Variants in PRIM2 observed in about 807,000 individuals in gnomAD.
The protein encoded by PRIM2 is DNA primase large subunit.
In PRIM2, 39 loss-of-function variants were observed where a neutral mutation model predicts 67.3. The observed-to-expected ratio is 0.58, with a 90% CI of 0.45 to 0.76. The LOEUF is 0.76. Among genes scored for constraint, PRIM2 ranks in the 30% least tolerant of loss-of-function variants. The probability of loss-of-function intolerance (pLI) is 0.00; values close to 1 mark genes in which losing one functional copy is unlikely to be tolerated. For synonymous variants in PRIM2, 143 were observed against 198.7 expected (o/e 0.72, Z 2.36); for missense variants, 398 against 598.7 (o/e 0.66, Z 3.50).
intron 10 of PRIM2, among the ~76,000 whole-genome samples, chr6:57,551,891 T>C (rs1444917585): frequency 4.6e-5 from 7 of 152,340 alleles, no homozygotes; most frequent in African/African-American, 1.7e-4. Context: ...GTAAGTTTTA[T>C]GTAAGAACTC....
intron 10 of PRIM2, among the ~76,000 whole-genome samples, chr6:57,541,972 GGT>G (rs1491400453): frequency 1.4e-4 from 18 of 127,936 alleles, no homozygotes; most frequent in African/African-American, 4.1e-4. Context: ...GTTGTGTTTT[GGT>G]TTTTTTTTTT....
At chr6:57,442,114 C>T (rs1210244345) in intron 7 of PRIM2, among the ~76,000 whole-genome samples, 6 of 152,076 alleles carry the variant, frequency 3.9e-5, no homozygotes, top group Admixed American at 3.9e-4. Context: ...ATGTAAAAAA[C>T]TAAATACATT....
the PRIM2 span, among the ~76,000 whole-genome samples, chr6:57,228,652 A>T: frequency 6.6e-6 from 1 of 152,222 alleles, no homozygotes; most frequent in Non-Finnish European, 1.5e-5. Context: ...TATGGCTTAC[A>T]GTCATCCAGC....
intron 8 of PRIM2, among the ~76,000 whole-genome samples, chr6:57,531,219 C>G (rs1184757323): frequency 2.6e-5 from 4 of 152,168 alleles, no homozygotes; most frequent in African/African-American, 9.7e-5. Context: ...CAGGCATGAT[C>G]ATGGCTCACT....
At chr6:57,628,432 C>T (rs1207575597) in intron 12 of PRIM2, among the ~76,000 whole-genome samples, 4 of 152,354 alleles carry the variant, frequency 2.6e-5, no homozygotes, top group African/African-American at 7.2e-5. Flanking sequence ...AAAAAGTACT[C>T]TTGCCTAACA....
intron 5 of PRIM2, among the ~76,000 whole-genome samples, chr6:57,364,802 T>C (rs541573854): frequency 2.0e-4 from 31 of 152,296 alleles, no homozygotes; most frequent in Non-Finnish European, 3.1e-4. Flanking sequence ...GCATTAGTTC[T>C]CCTGGGTTTG....
At chr6:57,389,559 A>C (rs2397259) in intron 7 of PRIM2, among the ~76,000 whole-genome samples, 3 of 152,328 alleles carry the variant, frequency 2.0e-5, no homozygotes, top group Admixed American at 6.5e-5. Flanking sequence ...AGATAATTGA[A>C]AGGCAGGTAA....
At chr6:57,448,973 A>G (rs1255323665) in intron 7 of PRIM2, among the ~76,000 whole-genome samples, 1 of 152,170 alleles carries the variant, frequency 6.6e-6, no homozygotes, top group Non-Finnish European at 1.5e-5. Flanking sequence ...CATCACGGCC[A>G]AGAACTCAGT....
intron 5 of PRIM2, among the ~76,000 whole-genome samples, chr6:57,377,248 G>T (rs12209610): frequency 6.6e-6 from 1 of 152,078 alleles, no homozygotes; most frequent in Non-Finnish European, 1.5e-5. Flanking sequence ...TTAATAATTT[G>T]TCGTGGATAC....
At chr6:57,583,692 G>T (rs1776139740) in intron 10 of PRIM2, among the ~76,000 whole-genome samples, 1 of 152,196 alleles carries the variant, frequency 6.6e-6, no homozygotes, top group Admixed American at 6.5e-5. Flanking sequence ...TATATACCCA[G>T]TAATGGGATG....
chr6:57,264,446 C>T, the PRIM2 span, among the ~76,000 whole-genome samples: 1 of 152,048 alleles, frequency 6.6e-6, no homozygotes, highest in Non-Finnish European at 1.5e-5. Context: ...GAGTGCTCGT[C>T]ATCACTTCAA....
At chr6:57,318,245 T>G (rs998066837) in intron 1 of PRIM2, among the ~76,000 whole-genome samples, 192 bp from the exon 2 acceptor site, 4 of 152,228 alleles carry the variant, frequency 2.6e-5, no homozygotes, top group Non-Finnish European at 4.4e-5. Flanking sequence ...ACAAAATTAT[T>G]ATAGGTGTAT....
chr6:57,372,679 CCA>C (rs1050463692), intron 5 of PRIM2, among the ~76,000 whole-genome samples: 9 of 152,154 alleles, frequency 5.9e-5, no homozygotes, highest in Admixed American at 2.6e-4. Flanking sequence ...CATTCAGCTC[CCA>C]CTTATAAATG....
intron 7 of PRIM2, among the ~76,000 whole-genome samples, chr6:57,455,010 A>G (rs1045696418): frequency 6.6e-6 from 1 of 151,956 alleles, no homozygotes; most frequent in Non-Finnish European, 1.5e-5. Flanking sequence ...GGTTTCAAAG[A>G]CCATCTTTAT....
chr6:57,561,612 TGGATTA>T (rs1250124487), intron 10 of PRIM2, among the ~76,000 whole-genome samples: 1 of 152,240 alleles, frequency 6.6e-6, no homozygotes, highest in African/African-American at 2.4e-5. Flanking sequence ...AGCCTTCCTC[TGGATTA>T]GGCTTTCACT....
chr6:57,272,428 A>G, the PRIM2 span, among the ~76,000 whole-genome samples: 3 of 152,144 alleles, frequency 2.0e-5, no homozygotes, highest in Non-Finnish European at 4.4e-5. Flanking sequence ...AGTCTGTTTT[A>G]TCAGAGACTA....
intron 7 of PRIM2, among the ~76,000 whole-genome samples, chr6:57,429,645 T>C (rs4569967): frequency 1.2e-4 from 18 of 152,248 alleles, no homozygotes; most frequent in African/African-American, 2.6e-4. Context: ...TAAGTTAAAA[T>C]GAGGCTTTTA....
At chr6:57,340,665 A>G (rs963017396) in intron 5 of PRIM2, among the ~76,000 whole-genome samples, 3 of 151,970 alleles carry the variant, frequency 2.0e-5, no homozygotes, top group African/African-American at 4.8e-5. Flanking sequence ...ATGAGAACAC[A>G]TGGACACAGC....
the PRIM2 span, among the ~76,000 whole-genome samples, chr6:57,225,969 G>A: frequency 1.3e-5 from 2 of 152,060 alleles, no homozygotes; most frequent in Non-Finnish European, 2.9e-5. Flanking sequence ...TACTGATTCA[G>A]TTTTTCTGTT....
Sources: allele counts gnomAD v4.1 joint callset (sites outside exome capture counted in the v4.1 genomes callset), GRCh38; gene constraint gnomAD v4.1.1; transcripts MANE v1.5; gene names NCBI Gene and HGNC (gene_info 2026-07-23, HGNC 2026-07-21).